NKIRAS1: variants seen among roughly 807,000 people sequenced by gnomAD.
NKIRAS1 encodes the protein NFKB inhibitor interacting Ras like 1, also known as NF-kappa-B inhibitor-interacting Ras-like protein 1.
A neutral mutation model predicts 19.8 loss-of-function variants in NKIRAS1; 16 were observed. The ratio of observed to expected loss-of-function variants is 0.81; its 90% CI spans 0.55 to 1.23. NKIRAS1 has a LOEUF of 1.23. Among genes scored for constraint, NKIRAS1 ranks in the 50% most tolerant of loss-of-function variants. NKIRAS1 has a pLI of 0.00. For missense variants in NKIRAS1, 184 were observed against 220.0 expected, an observed-to-expected ratio of 0.84 and a Z score of 1.04; for synonymous variants, 88 against 79.0, an observed-to-expected ratio of 1.11 and a Z score of -0.61.
intron 3 of NKIRAS1, among the ~76,000 whole-genome samples, chr3:23,908,677 CCTTTT>C (rs1227129589): frequency 2.6e-5 from 4 of 151,674 alleles, no homozygotes; most frequent in African/African-American, 9.7e-5. Flanking sequence ...TCTCCATTTT[CCTTTT>C]CTTTTTTTCT....
intron 3 of NKIRAS1, among the ~76,000 whole-genome samples, chr3:23,908,288 A>G (rs946543329): frequency 6.6e-6 from 1 of 152,198 alleles, no homozygotes; most frequent in African/African-American, 2.4e-5. Context: ...GTTCACGAAT[A>G]TGATTTCAGA....
chr3:23,908,496 G>GT (rs1373960384), intron 3 of NKIRAS1, among the ~76,000 whole-genome samples: 2 of 152,170 alleles, frequency 1.3e-5, no homozygotes, highest in Admixed American at 6.5e-5. Context: ...AAAGGCAAGT[G>GT]TTAATAGATA....
intron 3 of NKIRAS1, among the ~76,000 whole-genome samples, chr3:23,902,178 G>GT (rs1287319057): frequency 6.6e-6 from 1 of 152,004 alleles, no homozygotes; most frequent in Non-Finnish European, 1.5e-5. Context: ...CTATGTTATA[G>GT]TTTTTTTTAA....
At chr3:23,943,504 T>G (rs1339692018) in intron 1 of NKIRAS1, among the ~76,000 whole-genome samples, 1 of 152,258 alleles carries the variant, frequency 6.6e-6, no homozygotes, top group African/African-American at 2.4e-5. Flanking sequence ...GTGCTGGGAT[T>G]ACAGGCGTCA....
chr3:23,909,404 A>C (rs1703414842), intron 3 of NKIRAS1, among the ~76,000 whole-genome samples: 2 of 152,132 alleles, frequency 1.3e-5, no homozygotes, highest in African/African-American at 4.8e-5. Flanking sequence ...GCACGCACCC[A>C]TAGTCCCAGT....
At chr3:23,914,171 TA>T (rs5847260) in intron 1 of NKIRAS1, among the ~76,000 whole-genome samples, 108,950 of 144,784 alleles carry the variant, frequency 0.75, 41,354 homozygotes, top group African/African-American at 0.88. Context: ...AACTTGAGGC[TA>T]AAAAAAAAAA....
chr3:23,946,404 C>A, exon 1 of NKIRAS1: 1 of 612,020 alleles, frequency 1.6e-6, no homozygotes, highest in Non-Finnish European at 2.0e-6. Context: ...GTGGGGCTTT[C>A]CCGAAGGGAT....
At chr3:23,919,952 C>G, upstream of NKIRAS1, 1 of 988,740 alleles carries the variant, frequency 1.0e-6, no homozygotes, top group Middle Eastern at 5.2e-4. Context: ...CTGGGTTAGC[C>G]TGAAGAAAAT....
intron 1 of NKIRAS1, among the ~76,000 whole-genome samples, chr3:23,944,766 A>T (rs934622327): frequency 1.5e-5 from 2 of 129,354 alleles, no homozygotes; most frequent in Non-Finnish European, 3.1e-5. Flanking sequence ...AATCACCTAG[A>T]GGGTGCAGAG....
chr3:23,920,714 T>G (rs1705031430), upstream of NKIRAS1: 1 of 984,384 alleles, frequency 1.0e-6, no homozygotes, highest in African/African-American at 1.7e-5. Flanking sequence ...TTCCAGGAAG[T>G]ACTCATAGCA....
rs1471360063 is a variant in NKIRAS1 at position 23,892,176 on chromosome 3, A to AC, written c.*918dup. The AC allele has an allele frequency of 7.2e-5, 11 of 152,204 alleles. No individual in the cohort carries two copies. The highest frequency in any genetic ancestry group is 6.5e-4 in the Admixed American group (10 of 15,282). 9.4% of individuals were successfully genotyped at this position (152,204 alleles called of 1,614,324 possible). The stretch of plus-strand genomic sequence containing the variant: ...GAAACCACTAAGTAGCTTACTTCCT[A>AC]CCTTTTAAATTAATAAAGTTACAGT... On this transcript the variant is annotated 3_prime_UTR_variant, in exon 5 of 5. Transcript: ENST00000425478.
rs1041202074 is a variant in NKIRAS1 at position 23,892,134 on chromosome 3, A to C, written c.*961T>G. On this transcript the variant is annotated 3_prime_UTR_variant, in exon 5 of 5. Transcript: ENST00000425478. The stretch of plus-strand genomic sequence containing the variant: ...TAGCTTATTTTACATTTCAGTCAAA[A>C]TAGTTATTTCACAGGTGAAACCACT... The C allele has an allele frequency of 6.6e-6, 1 of 152,216 alleles. No individual in the cohort carries two copies. The highest frequency in any genetic ancestry group is 1.5e-5 in the Non-Finnish European group (1 of 68,028). 9.4% of individuals were successfully genotyped at this position (152,216 alleles called of 1,614,324 possible). A position where few individuals can be genotyped will look rare whatever the true frequency, so the allele number is the denominator to read the frequency against.
intron 1 of NKIRAS1, among the ~76,000 whole-genome samples, chr3:23,940,425 ATTTAAC>A (rs1705472770): frequency 6.6e-6 from 1 of 151,646 alleles, no homozygotes. Flanking sequence ...GTTGGGCTGT[ATTTAAC>A]TTTAACCACT....
intron 1 of NKIRAS1, among the ~76,000 whole-genome samples, 152 bp from the exon 2 acceptor site, chr3:23,911,602 A>G (rs1206474889): frequency 3.9e-5 from 6 of 152,208 alleles, no homozygotes; most frequent in Non-Finnish European, 2.9e-5. Context: ...GAGACTGCCT[A>G]CTCATCAATA....
chr3:23,909,848 G>GT lies in NKIRAS1; in HGVS notation c.94+962dup, dbSNP rs201965944. Among the ~76,000 whole-genome samples the GT allele has an allele frequency of 5.5e-3, 734 of 133,152 alleles. 2 individuals carry two copies. Among genetic ancestry groups the GT allele is most frequent in the African/African-American group, 0.011 (406 of 37,762 alleles). 87.4% of individuals were successfully genotyped at this position (133,152 alleles called of 152,430 possible). Reference sequence around the variant, plus strand: ...CTACATACAGCAGCTCTGCAAAGTTGTTTTTGTTTTTTTTTGTTTTTTTTT... The same window carrying GT: ...CTACATACAGCAGCTCTGCAAAGTTGTTTTTTGTTTTTTTTTGTTTTTTTTT... On this transcript the variant is annotated intron_variant, in intron 3 of 4. Transcript: ENST00000425478.
chr3:23,946,339 A>G, exon 1 of NKIRAS1: 1 of 974,000 alleles, frequency 1.0e-6, no homozygotes, highest in South Asian at 4.7e-5. Context: ...GATTCCGAGG[A>G]GGAAGTGCAG....
At chr3:23,897,855 G>C (rs1284200726) in intron 4 of NKIRAS1, among the ~76,000 whole-genome samples, 1 of 152,190 alleles carries the variant, frequency 6.6e-6, no homozygotes, top group Non-Finnish European at 1.5e-5. Context: ...GCTTTATTGG[G>C]ATATGGACTG....
chr3:23,893,551 A>G (rs752927931), intron 4 of NKIRAS1, among the ~76,000 whole-genome samples: 3 of 152,112 alleles, frequency 2.0e-5, no homozygotes, highest in Non-Finnish European at 4.4e-5. Context: ...TCATGCCTAT[A>G]TTCCCAGCAC....
exon 1 of NKIRAS1, chr3:23,946,372 G>A (rs1385844073): frequency 3.4e-6 from 3 of 884,590 alleles, no homozygotes; most frequent in African/African-American, 3.6e-5. Flanking sequence ...CTGCAGGCCG[G>A]AGGAGGCGCC....
Sources: gnomAD v4.1 joint callset for allele counts (sites outside exome capture counted in the v4.1 genomes callset) on GRCh38, gnomAD v4.1.1 for gene constraint, MANE v1.5 for transcripts, NCBI Gene and HGNC (gene_info 2026-07-23, HGNC 2026-07-21) for gene names.